The following VPS50 variants were observed in gnomAD, a reference collection of about 807,000 sequenced individuals.
VPS50 encodes the protein syndetin.
VPS50 carries 70 observed loss-of-function variants against 139.7 expected under a neutral mutation model. That is an observed-to-expected ratio of 0.50 (90% confidence interval 0.41 to 0.61). The LOEUF (loss-of-function observed/expected upper bound fraction) is 0.61. Ranked by LOEUF, VPS50 falls within the 20% of genes least tolerant of loss-of-function variation. The probability of loss-of-function intolerance (pLI) is 0.00; values close to 1 mark genes in which losing one functional copy is unlikely to be tolerated. For synonymous variants in VPS50, 365 were observed against 376.7 expected (o/e 0.97, Z 0.36); for missense variants, 921 against 1,133.7 (o/e 0.81, Z 2.69).
chr7:93,358,608 T>C lies in VPS50; in HGVS notation c.*172T>C. On this transcript the variant is annotated 3_prime_UTR_variant, in exon 28 of 28. Transcript: ENST00000305866. ...GTGTGTGGTGTTCTCATGACTTTTA[T>C]ATGCTGTGGTCTCTTCAACTTTTGG... 2 of 574,414 alleles carry C rather than the reference T, an allele frequency of 3.5e-6. No individual in the cohort carries two copies. Among genetic ancestry groups the C allele is most frequent in the Non-Finnish European group, 6.2e-6 (2 of 322,982 alleles). The allele number at this position is 574,414 out of a possible 1,614,324, so 35.6% of individuals were successfully genotyped here. A position where few individuals can be genotyped will look rare whatever the true frequency, so the allele number is the denominator to read the frequency against.
At chr7:93,251,398 C>T (rs1015582056) in intron 2 of VPS50, among the ~76,000 whole-genome samples, 3 of 151,982 alleles carry the variant, frequency 2.0e-5, no homozygotes, top group African/African-American at 7.3e-5. Context: ...AGCTGGAAAG[C>T]GTCATTCACA....
chr7:93,330,591 T>C (rs1316330825), intron 21 of VPS50, among the ~76,000 whole-genome samples: 2 of 151,752 alleles, frequency 1.3e-5, no homozygotes, highest in Non-Finnish European at 2.9e-5. Flanking sequence ...CAGTCCCTAC[T>C]AAAAATACAA....
chr7:93,334,252 A>G (rs1490756125), intron 22 of VPS50, 55 bp downstream of exon 22: 1 of 958,318 alleles, frequency 1.0e-6, no homozygotes. Flanking sequence ...GAAATTAGCT[A>G]TTCAATCAAT....
chr7:93,289,498 G>T (rs549218566), intron 12 of VPS50, among the ~76,000 whole-genome samples: 1 of 151,854 alleles, frequency 6.6e-6, no homozygotes, highest in South Asian at 2.1e-4. Flanking sequence ...GGTGTTTTTT[G>T]CTATACAAAT....
intron 20 of VPS50, among the ~76,000 whole-genome samples, chr7:93,317,472 C>G (rs966592535): frequency 6.6e-6 from 1 of 152,112 alleles, no homozygotes; most frequent in Non-Finnish European, 1.5e-5. Flanking sequence ...ACCCAGGAGG[C>G]AGAGGTTGCA....
intron 8 of VPS50, among the ~76,000 whole-genome samples, chr7:93,258,898 T>C (rs921598902): frequency 6.6e-6 from 1 of 152,054 alleles, no homozygotes; most frequent in Admixed American, 6.5e-5. Flanking sequence ...ACTTTGTCAT[T>C]ATCAGCATCA....
chr7:93,307,669 T>C (rs1797154875), intron 18 of VPS50, among the ~76,000 whole-genome samples: 1 of 151,928 alleles, frequency 6.6e-6, no homozygotes, highest in Non-Finnish European at 1.5e-5. Flanking sequence ...TACGGTGTGG[T>C]CACAAACCTC....
chr7:93,358,340 C>T lies in VPS50; in HGVS notation c.2799C>T (p.Thr933=), dbSNP rs1354363442. The T allele has an allele frequency of 6.2e-7, 1 of 1,612,674 alleles. No homozygotes were observed. The highest frequency in any genetic ancestry group is 2.2e-5 in the East Asian group (1 of 44,842). ...EHREYSTKQL[T]NLVNVCLGSH... Reference sequence around the variant, plus strand: ...AGGAATATTCAACGAAGCAGCTGACCAATCTGGTGAATGTTTGCCTGGGAT... The same window carrying T: ...AGGAATATTCAACGAAGCAGCTGACTAATCTGGTGAATGTTTGCCTGGGAT... Residue 933 remains threonine, a synonymous_variant, in exon 28 of 28, where the codon ACC becomes ACT. Coordinates refer to ENST00000305866, the MANE Select transcript of VPS50 (RefSeq NM_017667.4).
intron 23 of VPS50, among the ~76,000 whole-genome samples, chr7:93,344,407 C>A (rs1208850074): frequency 6.6e-6 from 1 of 152,130 alleles, no homozygotes; most frequent in Non-Finnish European, 1.5e-5. Context: ...CCACTGTCAA[C>A]ATTAGACAGA....
chr7:93,268,029 A>T (rs995880253), intron 9 of VPS50, among the ~76,000 whole-genome samples: 3 of 152,186 alleles, frequency 2.0e-5, no homozygotes, highest in Admixed American at 1.3e-4. Flanking sequence ...AGATGTCTTT[A>T]GGGACCAGGC....
intron 1 of VPS50, among the ~76,000 whole-genome samples, chr7:93,238,669 A>G (rs1794890482): frequency 1.3e-5 from 2 of 152,194 alleles, no homozygotes; most frequent in African/African-American, 4.8e-5. Flanking sequence ...GGTTTATTTT[A>G]GGGCCTAGGA....
intron 20 of VPS50, among the ~76,000 whole-genome samples, chr7:93,316,160 C>G (rs1314236554): frequency 1.3e-5 from 2 of 152,066 alleles, no homozygotes; most frequent in South Asian, 4.1e-4. Flanking sequence ...AGAACATGTG[C>G]AAGACATGGT....
At chr7:93,236,694 A>G (rs973940605) in intron 1 of VPS50, among the ~76,000 whole-genome samples, 1 of 152,196 alleles carries the variant, frequency 6.6e-6, no homozygotes, top group Non-Finnish European at 1.5e-5. Context: ...TAAAATAAGA[A>G]TGACTTCATT....
intron 9 of VPS50, among the ~76,000 whole-genome samples, chr7:93,267,128 A>G (rs1359104830): frequency 1.3e-5 from 2 of 152,220 alleles, no homozygotes; most frequent in African/African-American, 4.8e-5. Flanking sequence ...CGTTGCTTTC[A>G]CTTGTGAATG....
intron 9 of VPS50, among the ~76,000 whole-genome samples, chr7:93,261,214 C>CT (rs1795660592): frequency 6.6e-6 from 1 of 152,152 alleles, no homozygotes; most frequent in Admixed American, 6.5e-5. Flanking sequence ...ATAGTAACAG[C>CT]TTATTGGGTG....
intron 14 of VPS50, among the ~76,000 whole-genome samples, 195 bp from the exon 15 acceptor site, chr7:93,296,547 A>T (rs1796816017): frequency 6.6e-6 from 1 of 152,228 alleles, no homozygotes; most frequent in Admixed American, 6.5e-5. Flanking sequence ...ACCTGATGGC[A>T]TTCCTGGTAT....
Position 93,360,204 on chromosome 7 carries a change from A to C in VPS50, c.*1768A>C, listed in dbSNP as rs1413080812. On this transcript the variant is annotated 3_prime_UTR_variant, in exon 28 of 28. Transcript: ENST00000305866. ...GTTGGTTTCCTTTAATTTCTACTTT[A>C]GTTGGCCCTAGATAATATGAACAGG... is the stretch of plus-strand genomic sequence containing the variant. 1 of 152,036 alleles carries C rather than the reference A, an allele frequency of 6.6e-6. No homozygotes were observed. The highest frequency in any genetic ancestry group is 1.9e-4 in the East Asian group (1 of 5,184). The allele number at this position is 152,036 out of a possible 1,614,324, so 9.4% of individuals were successfully genotyped here.
intron 8 of VPS50, among the ~76,000 whole-genome samples, chr7:93,258,903 G>C (rs1189288728): frequency 6.6e-6 from 1 of 151,968 alleles, no homozygotes; most frequent in African/African-American, 2.4e-5. Context: ...GTCATTATCA[G>C]CATCACCAGT....
chr7:93,325,891 A>T (rs1271604848), intron 21 of VPS50, among the ~76,000 whole-genome samples: 32 of 151,476 alleles, frequency 2.1e-4, no homozygotes, highest in Admixed American at 1.8e-3. Context: ...CAGTGTGGCG[A>T]TTCCTCAGGG....
Sources: allele counts gnomAD v4.1 joint callset (sites outside exome capture counted in the v4.1 genomes callset), GRCh38; gene constraint gnomAD v4.1.1; transcripts MANE v1.5; gene names NCBI Gene and HGNC (gene_info 2026-07-23, HGNC 2026-07-21).